Variants in IGF1 observed in about 807,000 individuals in gnomAD.
IGF1 encodes the protein insulin like growth factor 1.
A neutral mutation model predicts 13.8 loss-of-function variants in IGF1; 4 were observed. The ratio of observed to expected loss-of-function variants is 0.29; its 90% CI spans 0.14 to 0.66. The LOEUF is 0.66. IGF1 is among the 30% of genes least tolerant of loss of function. The pLI is 0.78. For synonymous variants in IGF1, 76 were observed against 72.6 expected, an observed-to-expected ratio of 1.05 and a Z score of -0.23; for missense variants, 124 against 188.5, an observed-to-expected ratio of 0.66 and a Z score of 2.00.
chr12:102,469,982 G>A (rs191829447), intron 2 of IGF1, among the ~76,000 whole-genome samples: 11 of 152,074 alleles, frequency 7.2e-5, no homozygotes, highest in South Asian at 2.1e-4. Flanking sequence ...ATCAGCTGCC[G>A]CCAAGGAGAG....
intron 2 of IGF1, among the ~76,000 whole-genome samples, chr12:102,426,443 A>G (rs1319022684): frequency 6.6e-6 from 1 of 152,226 alleles, no homozygotes. Flanking sequence ...CTCTTCCTCC[A>G]TTAATCTTAA....
chr12:102,479,680 T>G (rs958088148), intron 1 of IGF1, among the ~76,000 whole-genome samples: 3 of 152,214 alleles, frequency 2.0e-5, no homozygotes, highest in Admixed American at 2.0e-4. Flanking sequence ...TTGTTTAAAT[T>G]ATACAAATAT....
chr12:102,417,800 G>A (rs776536387), intron 3 of IGF1: 4 of 1,613,432 alleles, frequency 2.5e-6, no homozygotes, highest in Non-Finnish European at 3.4e-6. Flanking sequence ...GCCTCTGTCT[G>A]TTTAATCCTC....
At chr12:102,438,231 C>T (rs141817872) in intron 2 of IGF1, among the ~76,000 whole-genome samples, 1 of 152,150 alleles carries the variant, frequency 6.6e-6, no homozygotes, top group Non-Finnish European at 1.5e-5. Context: ...CCTTCCTCTG[C>T]GGTCTTCTTT....
At chr12:102,468,708 T>G (rs962166767) in intron 2 of IGF1, among the ~76,000 whole-genome samples, 1 of 152,228 alleles carries the variant, frequency 6.6e-6, no homozygotes, top group African/African-American at 2.4e-5. Flanking sequence ...GGATGTCTCA[T>G]GGAGAGGTGT....
chr12:102,456,117 G>A (rs1879369223), intron 2 of IGF1, among the ~76,000 whole-genome samples: 1 of 152,130 alleles, frequency 6.6e-6, no homozygotes. Context: ...AATTTTGGAG[G>A]AGGGCGTAGT....
At chr12:102,439,150 C>T (rs1430398536) in intron 2 of IGF1, among the ~76,000 whole-genome samples, 1 of 152,190 alleles carries the variant, frequency 6.6e-6, no homozygotes, top group Non-Finnish European at 1.5e-5. Flanking sequence ...AGAAACTGTT[C>T]ATCACTGTGT....
intron 2 of IGF1, among the ~76,000 whole-genome samples, chr12:102,452,429 T>A (rs1879046309): frequency 6.6e-6 from 1 of 152,204 alleles, no homozygotes; most frequent in Admixed American, 6.5e-5. Flanking sequence ...AATGGACTCA[T>A]ACAAATGTCA....
At chr12:102,435,024 TAAA>T (rs1877101452) in intron 2 of IGF1, among the ~76,000 whole-genome samples, 1 of 152,222 alleles carries the variant, frequency 6.6e-6, no homozygotes, top group Non-Finnish European at 1.5e-5. Flanking sequence ...ATATAACAAT[TAAA>T]AATAATACAC....
chr12:102,404,898 C>T (rs1424461918), intron 3 of IGF1, among the ~76,000 whole-genome samples: 3 of 151,514 alleles, frequency 2.0e-5, no homozygotes, highest in Non-Finnish European at 2.9e-5. Flanking sequence ...GCTGGGATTA[C>T]AGACGCCTGC....
At chr12:102,418,245 C>G (rs954832141) in intron 3 of IGF1, among the ~76,000 whole-genome samples, 1 of 152,260 alleles carries the variant, frequency 6.6e-6, no homozygotes, top group Non-Finnish European at 1.5e-5. Context: ...AAGAATGAAT[C>G]TGCCTTTGCC....
At chr12:102,417,910 C>T (rs778509834) in intron 3 of IGF1, 10 of 1,613,980 alleles carry the variant, frequency 6.2e-6, no homozygotes, top group Non-Finnish European at 8.5e-6. Context: ...AGACTTGCTT[C>T]TGTCCCCTCC....
intron 3 of IGF1, chr12:102,417,641 T>G (rs1468560316): frequency 7.3e-7 from 1 of 1,371,196 alleles, no homozygotes; most frequent in African/African-American, 1.5e-5. Context: ...CTTTTCCGTT[T>G]TCTCCATGTT....
In IGF1 at chr12:102,480,536, A is replaced by G. The variant is rs1322743603; in HGVS notation, c.-155T>C. ...AGGCTCTATCTGCTCTGAATTTAGC[A>G]GTGACAGTGAGATTTAGCAAACAGA... On this transcript the variant is annotated 5_prime_UTR_variant, in exon 1 of 4. Transcript: ENST00000337514. 2 of 1,495,530 alleles carry G rather than the reference A, an allele frequency of 1.3e-6. No homozygotes were observed. The highest frequency in any genetic ancestry group is 1.4e-5 in the African/African-American group (1 of 71,550). The allele number at this position is 1,495,530 out of a possible 1,614,324, so 92.6% of individuals were successfully genotyped here.
chr12:102,449,748 G>A (rs1467671591), intron 2 of IGF1, among the ~76,000 whole-genome samples: 1 of 150,104 alleles, frequency 6.7e-6, no homozygotes, highest in Non-Finnish European at 1.5e-5. Flanking sequence ...TCTCTGTGGA[G>A]GGATTTTATG....
chr12:102,407,771 G>A (rs1874299960), intron 3 of IGF1, among the ~76,000 whole-genome samples: 1 of 152,188 alleles, frequency 6.6e-6, no homozygotes, highest in Non-Finnish European at 1.5e-5. Flanking sequence ...TGAGGAGGGT[G>A]AGTATTACCA....
Position 102,464,788 on chromosome 12 carries a change from T to TG in IGF1, c.220+10854dup, listed in dbSNP as rs1421956211. ...GTCAGGCTGTGATAAGAAAACAGTT[T>TG]GGATGTACAACTTGAGAGTGCGAAG... is the stretch of plus-strand genomic sequence containing the variant. On this transcript the variant is annotated intron_variant, in intron 2 of 3. Transcript: ENST00000337514. Among the ~76,000 whole-genome samples the TG allele has an allele frequency of 3.9e-5, 6 of 152,184 alleles. No homozygotes were observed. In the East Asian group the frequency reaches 9.6e-4, roughly 24 times the overall value.
chr12:102,432,799 T>G (rs1481270064), intron 2 of IGF1, among the ~76,000 whole-genome samples: 1 of 152,206 alleles, frequency 6.6e-6, no homozygotes. Flanking sequence ...CATATGTAAC[T>G]AACCTGCACG....
chr12:102,453,921 G>C (rs1879165167), intron 2 of IGF1, among the ~76,000 whole-genome samples: 1 of 152,198 alleles, frequency 6.6e-6, no homozygotes, highest in Non-Finnish European at 1.5e-5. Flanking sequence ...ATTTCACAGA[G>C]TTGTTTGGTG....
Sources: allele counts gnomAD v4.1 joint callset (sites outside exome capture counted in the v4.1 genomes callset), GRCh38; gene constraint gnomAD v4.1.1; transcripts MANE v1.5; gene names NCBI Gene and HGNC (gene_info 2026-07-23, HGNC 2026-07-21).